Variants in LRCH2 observed in about 807,000 individuals in gnomAD.
The protein encoded by LRCH2 is leucine rich repeats and calponin homology domain containing 2, also known as leucine-rich repeat and calponin homology domain-containing protein 2.
In LRCH2, 38 loss-of-function variants were observed where a neutral mutation model predicts 68.9. That is an observed-to-expected ratio of 0.55 (90% CI 0.43 to 0.72). The LOEUF (loss-of-function observed/expected upper bound fraction) is 0.72, where lower values mean the gene tolerates loss of function less well. Ranked by LOEUF, LRCH2 falls within the 30% of genes least tolerant of loss-of-function variation. The probability of loss-of-function intolerance (pLI) is 0.00; values close to 1 mark genes in which losing one functional copy is unlikely to be tolerated. For missense variants in LRCH2, 528 were observed against 572.9 expected, an observed-to-expected ratio of 0.92 and a Z score of 0.80; for synonymous variants, 191 against 208.1, an observed-to-expected ratio of 0.92 and a Z score of 0.71.
chrX:115,153,870 G>C (rs1177881054), intron 12 of LRCH2, among the ~76,000 whole-genome samples: 1 of 111,029 alleles, frequency 9.0e-6, no homozygotes, highest in East Asian at 2.8e-4. Flanking sequence ...AAAAAGGATA[G>C]AACAGAAAGA....
rs782590033 is a variant in LRCH2, at chrX:115,112,835, T to TA, written c.*380dup. 2.4e-3 allele frequency: 273 copies of TA among 113,693 alleles called. No individual in the cohort carries two copies. Among genetic ancestry groups the TA allele is most frequent in the Middle Eastern group, 0.014 (3 of 219 alleles). The allele number at this position is 113,693 out of a possible 1,213,427, so 9.4% of individuals were successfully genotyped here. On this transcript the variant is annotated 3_prime_UTR_variant, in exon 21 of 21. Transcript: ENST00000317135. The stretch of plus-strand genomic sequence containing the variant: ...CAAATATAGAATTGCTCTAAATTGC[T>TA]AAAAAAAATTACCTTTATCCAGATG...
At chrX:115,218,917 G>A (rs1400699377) in intron 1 of LRCH2, among the ~76,000 whole-genome samples, 2 of 111,958 alleles carry the variant, frequency 1.8e-5, no homozygotes, top group Non-Finnish European at 3.8e-5. Flanking sequence ...CCAAGAACCT[G>A]GACACCCTCC....
chrX:115,118,217 A>G (rs2072101120), intron 20 of LRCH2, among the ~76,000 whole-genome samples: 1 of 109,983 alleles, frequency 9.1e-6, no homozygotes, highest in Admixed American at 9.8e-5. Flanking sequence ...CAAAAAATTA[A>G]TGAATCCAGG....
At chrX:115,189,692 C>G in intron 1 of LRCH2, 1 of 1,168,202 alleles carries the variant, frequency 8.6e-7, no homozygotes, top group South Asian at 1.9e-5. Context: ...GTGGCCCAGA[C>G]CATCAAACCG....
intron 12 of LRCH2, among the ~76,000 whole-genome samples, chrX:115,155,034 CT>C (rs2072462508): frequency 2.8e-5 from 1 of 35,231 alleles, no homozygotes; most frequent in Admixed American, 4.9e-4. Flanking sequence ...GAGCAAGACT[CT>C]GTCAAAAAAA....
At chrX:115,131,582 T>C (rs1479243062) in intron 14 of LRCH2, among the ~76,000 whole-genome samples, 1 of 111,820 alleles carries the variant, frequency 8.9e-6, no homozygotes, top group Non-Finnish European at 1.9e-5. Flanking sequence ...ACATGTGTCT[T>C]TATAGCAGCA....
At position 115,112,331 on chromosome X, in the gene LRCH2, GAAATA is replaced by G. The variant is rs1377724679; in HGVS notation, c.*880_*884del. On this transcript the variant is annotated 3_prime_UTR_variant, in exon 21 of 21. Transcript: ENST00000317135. ...TGCTTTGTGTAACATTTTCAATACA[GAAATA>G]AAATACTCTTCAAATAATACATTTT... 1 of 111,651 alleles carries G rather than the reference GAAATA, an allele frequency of 9.0e-6. No homozygotes were observed. The highest frequency in any genetic ancestry group is 1.9e-5 in the Non-Finnish European group (1 of 52,898). 9.2% of individuals were successfully genotyped at this position (111,651 alleles called of 1,213,427 possible). A position where few individuals can be genotyped will look rare whatever the true frequency, so the allele number is the denominator to read the frequency against.
At chrX:115,192,388 T>C in intron 1 of LRCH2, 1 of 1,164,022 alleles carries the variant, frequency 8.6e-7, no homozygotes, top group Non-Finnish European at 1.1e-6. Flanking sequence ...AGGAGGCCAC[T>C]ACGAGGAGTA....
At chrX:115,215,973 T>C (rs2073039497) in intron 1 of LRCH2, among the ~76,000 whole-genome samples, 1 of 110,946 alleles carries the variant, frequency 9.0e-6, no homozygotes, top group Non-Finnish European at 1.9e-5. Flanking sequence ...GATCCAATAA[T>C]TCAATTAATA....
intron 1 of LRCH2, among the ~76,000 whole-genome samples, chrX:115,228,717 A>G (rs887901264): frequency 1.8e-5 from 2 of 111,484 alleles, no homozygotes; most frequent in African/African-American, 6.5e-5. Context: ...AACCTTAAGC[A>G]AAAGTATTCC....
chrX:115,131,523 G>A (rs1345189460), intron 14 of LRCH2, among the ~76,000 whole-genome samples: 6 of 111,436 alleles, frequency 5.4e-5, no homozygotes, highest in African/African-American at 2.0e-4. Context: ...CATTTGGGTT[G>A]GTTCCAAGTC....
At chrX:115,218,134 C>A (rs1171900456) in intron 1 of LRCH2, among the ~76,000 whole-genome samples, 3 of 111,170 alleles carry the variant, frequency 2.7e-5, no homozygotes. Context: ...GAGCCCCCGT[C>A]TCAAAGAATA....
At chrX:115,223,453 T>A (rs868908262) in intron 1 of LRCH2, among the ~76,000 whole-genome samples, 6 of 40,107 alleles carry the variant, frequency 1.5e-4, no homozygotes, top group Admixed American at 7.7e-4. Context: ...AATTTTTTTT[T>A]TAAAAAAACC....
intron 3 of LRCH2, among the ~76,000 whole-genome samples, chrX:115,181,728 T>A (rs2147406987): frequency 8.9e-6 from 1 of 112,365 alleles, no homozygotes; most frequent in East Asian, 2.8e-4. Context: ...TATCTACCCA[T>A]CTACTGTTAC....
intron 11 of LRCH2, 116 bp downstream of exon 11, chrX:115,163,560 G>T (rs2072535883): frequency 2.2e-6 from 1 of 462,066 alleles, no homozygotes; most frequent in East Asian, 4.0e-5. Flanking sequence ...CCTTGAGATA[G>T]ATCTTAAGAG....
At chrX:115,141,269 T>G (rs1487806791) in intron 14 of LRCH2, among the ~76,000 whole-genome samples, 3 of 109,705 alleles carry the variant, frequency 2.7e-5, no homozygotes, top group Non-Finnish European at 5.7e-5. Context: ...TTGAGGATAG[T>G]GCCTGTGTCA....
Position 115,184,525 on chromosome X carries a change from T to A in LRCH2, c.507A>T (p.Leu169Phe). The A allele has an allele frequency of 8.6e-7, 1 of 1,168,308 alleles. No homozygotes were observed. Among genetic ancestry groups the A allele is most frequent in the Non-Finnish European group, 1.1e-6 (1 of 875,595 alleles). Residue 169 changes from leucine to phenylalanine, a missense_variant, in exon 3 of 21, where the codon TTA (leucine) becomes TTT (phenylalanine). Physicochemically the swap from Leu to Phe is conservative, Grantham distance 22 (BLOSUM62 0). Coordinates refer to ENST00000317135, the MANE Select transcript of LRCH2 (RefSeq NM_020871.4). ...LTYLNISRNL[L>F]STLPKYLFDL... ...CAAATAGGTATTTTGGCAATGTTGA[T>A]AAAAGATTTCGGCTGAAAAGAATGA... is the stretch of plus-strand genomic sequence containing the variant.
intron 10 of LRCH2, 148 bp downstream of exon 10, chrX:115,165,257 A>C: frequency 2.4e-6 from 1 of 424,095 alleles, no homozygotes. Context: ...GAATACAGAC[A>C]GATGTGAAGT....
chrX:115,177,044 GC>G (rs2072655095), intron 5 of LRCH2, among the ~76,000 whole-genome samples: 5 of 78,597 alleles, frequency 6.4e-5, no homozygotes, highest in Non-Finnish European at 1.2e-4. Context: ...ACCGCACCCA[GC>G]CTTTTTTTTT....
Sources: gnomAD v4.1 joint callset for allele counts (sites outside exome capture counted in the v4.1 genomes callset) on GRCh38, gnomAD v4.1.1 for gene constraint, MANE v1.5 for transcripts, NCBI Gene and HGNC (gene_info 2026-07-23, HGNC 2026-07-21) for gene names.